Variants in SLC35B4 observed in about 807,000 individuals in gnomAD.
SLC35B4 encodes the protein solute carrier family 35 member B4, also known as nucleotide sugar transporter SLC35B4.
SLC35B4 carries 28 observed loss-of-function variants against 39.5 expected under a neutral mutation model. The observed-to-expected ratio is 0.71, with a 90% CI of 0.53 to 0.97. The LOEUF (loss-of-function observed/expected upper bound fraction) is 0.97. Ranked by LOEUF, SLC35B4 falls within the 50% of genes least tolerant of loss-of-function variation. SLC35B4 has a pLI of 0.00. For missense variants in SLC35B4, 334 were observed against 414.3 expected (o/e 0.81, Z 1.68); for synonymous variants, 145 against 150.4 (o/e 0.96, Z 0.26).
intron 9 of SLC35B4, 28 bp downstream of exon 9, chr7:134,296,363 A>T: frequency 6.3e-7 from 1 of 1,584,626 alleles, no homozygotes; most frequent in Non-Finnish European, 8.7e-7. Context: ...ATGATGACAT[A>T]AGGGTGACGG....
chr7:134,303,353 G>A (rs1803634123), intron 4 of SLC35B4, among the ~76,000 whole-genome samples: 1 of 152,094 alleles, frequency 6.6e-6, no homozygotes, highest in Non-Finnish European at 1.5e-5. Flanking sequence ...TTGTATCCTT[G>A]TCATGAGCCA....
rs988960009 is a variant in SLC35B4, at chr7:134,290,478, G to A, written c.*4355C>T. ...CCAGGGGCTGGCGATACAGAAATGA[G>A]TAAGACATGATCCCTGGCCCCTCCC... On this transcript the variant is annotated 3_prime_UTR_variant, in exon 10 of 10. Coordinates refer to ENST00000378509, the MANE Select transcript of SLC35B4 (RefSeq NM_032826.5). The A allele has an allele frequency of 1.3e-5, 2 of 152,160 alleles. No homozygotes were observed. Among genetic ancestry groups the A allele is most frequent in the African/African-American group, 4.8e-5 (2 of 41,440 alleles). 9.4% of individuals were successfully genotyped at this position (152,160 alleles called of 1,614,324 possible).
rs79334216 is a variant in SLC35B4 at position 134,313,097 on chromosome 7, G to A, written c.77+3578C>T. 7.4e-4 allele frequency among the ~76,000 whole-genome samples: 112 copies of A among 152,132 alleles called. 1 individual carries two copies. In the East Asian group the frequency reaches 0.019, roughly 26 times the overall value. Reference sequence around the variant, plus strand: ...AAAGCTCAACTTATGAAGCCTTTTCGAAACACACTGTTGTATAGCTACCAA... The same window carrying A: ...AAAGCTCAACTTATGAAGCCTTTTCAAAACACACTGTTGTATAGCTACCAA... On this transcript the variant is annotated intron_variant, in intron 1 of 9. Transcript: ENST00000378509.
At position 134,294,738 on chromosome 7, in the gene SLC35B4, C is replaced by T. The variant is rs1214746781; in HGVS notation, c.*95G>A. 1.2e-5 allele frequency: 18 copies of T among 1,502,780 alleles called. No individual in the cohort carries two copies. Among genetic ancestry groups the T allele is most frequent in the Admixed American group, 1.9e-5 (1 of 53,186 alleles). The allele number at this position is 1,502,780 out of a possible 1,614,324, so 93.1% of individuals were successfully genotyped here. ...CTTTTGCACGGCTGGCTCAGCACTGCGGGTAGCTCGGCATTAACAAAAGCG... is the reference window on the plus strand; with the variant it reads ...CTTTTGCACGGCTGGCTCAGCACTGTGGGTAGCTCGGCATTAACAAAAGCG... On this transcript the variant is annotated 3_prime_UTR_variant, in exon 10 of 10. Coordinates refer to ENST00000378509, the MANE Select transcript of SLC35B4 (RefSeq NM_032826.5).
At chr7:134,295,765 T>C (rs1208722163) in intron 9 of SLC35B4, among the ~76,000 whole-genome samples, 7 of 152,060 alleles carry the variant, frequency 4.6e-5, no homozygotes, top group Non-Finnish European at 2.9e-5. Context: ...TTGTGATCAC[T>C]GGAAATATCT....
In SLC35B4 at chr7:134,292,595, A is replaced by G. The variant is rs1172029701; in HGVS notation, c.*2238T>C. 1 of 152,234 alleles carries G rather than the reference A, an allele frequency of 6.6e-6. No individual in the cohort carries two copies. The highest frequency in any genetic ancestry group is 2.4e-5 in the African/African-American group (1 of 41,452). The allele number at this position is 152,234 out of a possible 1,614,324, so 9.4% of individuals were successfully genotyped here. A position where few individuals can be genotyped will look rare whatever the true frequency, so the allele number is the denominator to read the frequency against. ...TCATCAACATAAAATGGGTGACATT[A>G]TGTATGTGAGGCTGCATCCTATTAA... is the stretch of plus-strand genomic sequence containing the variant. On this transcript the variant is annotated 3_prime_UTR_variant, in exon 10 of 10. Transcript: ENST00000378509.
At chr7:134,295,107 C>T (rs1229970340) in intron 9 of SLC35B4, 28 bp from the exon 10 acceptor site, 1 of 1,610,334 alleles carries the variant, frequency 6.2e-7, no homozygotes, top group East Asian at 2.2e-5. Context: ...AGGTAGTTTT[C>T]TGTAGACTGT....
chr7:134,304,093 T>C (rs1249438150), intron 4 of SLC35B4, among the ~76,000 whole-genome samples: 1 of 152,222 alleles, frequency 6.6e-6, no homozygotes, highest in Non-Finnish European at 1.5e-5. Context: ...ATGGAATTTC[T>C]GAGATGTTAG....
At chr7:134,312,678 C>T (rs867239871) in intron 1 of SLC35B4, among the ~76,000 whole-genome samples, 28 of 152,220 alleles carry the variant, frequency 1.8e-4, no homozygotes, top group South Asian at 4.2e-4. Context: ...CATGTGTATT[C>T]GCTATAGGAT....
rs1563213421 is a variant in SLC35B4 at position 134,294,836 on chromosome 7, G to A, written c.993C>T (p.Asn331=). The A allele has an allele frequency of 1.2e-6, 2 of 1,613,996 alleles. No homozygotes were observed. The highest frequency in any genetic ancestry group is 2.2e-5 in the South Asian group (2 of 91,044). ...KSEPQKDSKK[N] ...GTCTACGTACTCCAGACAGGCCTCA[G>A]TTCTTCTTGCTGTCCTTCTGAGGCT... Residue 331 remains asparagine, a synonymous_variant, in exon 10 of 10, where the codon AAC becomes AAT. Transcript: ENST00000378509.
At chr7:134,308,827 T>C (rs1320051825) in intron 2 of SLC35B4, among the ~76,000 whole-genome samples, 1 of 152,372 alleles carries the variant, frequency 6.6e-6, no homozygotes, top group East Asian at 1.9e-4. Context: ...TGGACTAATG[T>C]ACTACAGGTC....
intron 1 of SLC35B4, among the ~76,000 whole-genome samples, chr7:134,311,190 A>G (rs947326149): frequency 2.0e-5 from 3 of 152,234 alleles, no homozygotes; most frequent in Non-Finnish European, 4.4e-5. Context: ...TTCAAAGGAC[A>G]AGGCTAAATG....
intron 4 of SLC35B4, among the ~76,000 whole-genome samples, chr7:134,302,668 GA>G (rs1387806060): frequency 2.0e-5 from 3 of 152,152 alleles, no homozygotes; most frequent in Non-Finnish European, 4.4e-5. Context: ...AGGATATTCA[GA>G]TTATAGAACT....
chr7:134,303,406 A>G (rs1803636092), intron 4 of SLC35B4, among the ~76,000 whole-genome samples: 1 of 152,096 alleles, frequency 6.6e-6, no homozygotes, highest in Admixed American at 6.5e-5. Flanking sequence ...CCCAAGGCGA[A>G]TTCCACACTA....
chr7:134,301,142 C>T (rs1803570784), intron 6 of SLC35B4, among the ~76,000 whole-genome samples: 1 of 152,200 alleles, frequency 6.6e-6, no homozygotes, highest in Non-Finnish European at 1.5e-5. Flanking sequence ...TCTTTCACTG[C>T]TATTTCTCTT....
At chr7:134,303,697 G>A (rs1021847730) in intron 4 of SLC35B4, among the ~76,000 whole-genome samples, 1 of 152,148 alleles carries the variant, frequency 6.6e-6, no homozygotes, top group Non-Finnish European at 1.5e-5. Context: ...CTTGGGGCTG[G>A]ATATCAAATA....
rs558847253 is a variant in SLC35B4 at position 134,308,440 on chromosome 7, T to A, written c.191+926A>T. Among the ~76,000 whole-genome samples, 8 of 152,274 alleles carry A rather than the reference T, an allele frequency of 5.3e-5. No individual in the cohort carries two copies. In the South Asian group the frequency reaches 1.7e-3, roughly 32 times the overall value. On this transcript the variant is annotated intron_variant, in intron 2 of 9. Transcript: ENST00000378509. ...TTTACTGCAATATAAATGCTGGTCTTTAGGGGCAGAAAGTTTTATGCAGAT... is the reference window on the plus strand; with the variant it reads ...TTTACTGCAATATAAATGCTGGTCTATAGGGGCAGAAAGTTTTATGCAGAT...
intron 1 of SLC35B4, among the ~76,000 whole-genome samples, chr7:134,312,411 A>C (rs951229486): frequency 6.6e-6 from 1 of 152,066 alleles, no homozygotes; most frequent in Non-Finnish European, 1.5e-5. Context: ...GGAGCCCCCA[A>C]CTTGAATGGG....
Position 134,300,266 on chromosome 7 carries a change from A to G in SLC35B4, c.488-5T>C. On this transcript the variant is annotated splice_polypyrimidine_tract_variant and splice_region_variant and intron_variant, in intron 6 of 9. Transcript: ENST00000378509. ...CAAAAGTCAATGCCCCAATACCTAA[A>G]AAACAAACATCAGGTGACAAGATGT... is the stretch of plus-strand genomic sequence containing the variant. 6.3e-7 allele frequency: 1 copy of G among 1,585,990 alleles called. No individual in the cohort carries two copies. Among genetic ancestry groups the G allele is most frequent in the Non-Finnish European group, 8.6e-7 (1 of 1,165,212 alleles).
Sources: allele counts gnomAD v4.1 joint callset (sites outside exome capture counted in the v4.1 genomes callset), GRCh38; gene constraint gnomAD v4.1.1; transcripts MANE v1.5; gene names NCBI Gene and HGNC (gene_info 2026-07-23, HGNC 2026-07-21).